Variants in TCF3 observed in about 807,000 individuals in gnomAD.
TCF3 encodes transcription factor E2-alpha.
In TCF3, 54 loss-of-function variants were observed where a neutral mutation model predicts 72.3. The observed-to-expected ratio is 0.75, with a 90% CI of 0.60 to 0.94. The LOEUF (loss-of-function observed/expected upper bound fraction) is 0.94. Among genes scored for constraint, TCF3 ranks in the 40% least tolerant of loss-of-function variants. The pLI is 0.00. For missense variants in TCF3, 1,078 were observed against 934.4 expected, an observed-to-expected ratio of 1.15 and a Z score of -2.00; for synonymous variants, 525 against 412.6, an observed-to-expected ratio of 1.27 and a Z score of -3.30.
At chr19:1,642,764 G>A (rs1331893859) in intron 3 of TCF3, among the ~76,000 whole-genome samples, 1 of 152,130 alleles carries the variant, frequency 6.6e-6, no homozygotes, top group African/African-American at 2.4e-5. Flanking sequence ...GAGCCACCGC[G>A]CCCGGTCACA....
chr19:1,612,488 G>C, intron 18 of TCF3: 1 of 1,331,354 alleles, frequency 7.5e-7, no homozygotes, highest in Non-Finnish European at 1.1e-6. Context: ...GGGTGGGAGG[G>C]CAGGGCTGGG....
intron 3 of TCF3, among the ~76,000 whole-genome samples, chr19:1,643,572 G>A (rs2065645694): frequency 1.3e-5 from 2 of 152,108 alleles, no homozygotes; most frequent in East Asian, 3.8e-4. Context: ...CTGGAGCGCA[G>A]TGGCTCAAAC....
intron 3 of TCF3, among the ~76,000 whole-genome samples, chr19:1,641,258 A>G (rs182871239): frequency 3.7e-4 from 57 of 152,252 alleles, no homozygotes; most frequent in Non-Finnish European, 6.5e-4. Flanking sequence ...ATGCTAACGT[A>G]ACAGAATAAA....
At chr19:1,627,873 T>G (rs1599727144) in intron 5 of TCF3, among the ~76,000 whole-genome samples, 1 of 5,132 alleles carries the variant, frequency 1.9e-4, no homozygotes, top group Non-Finnish European at 3.5e-4. Flanking sequence ...ACAGCAGAGC[T>G]CACAGGGGGT....
chr19:1,615,030 G>A lies in TCF3; in HGVS notation c.1822+255C>T, dbSNP rs148779194. On this transcript the variant is annotated intron_variant, in intron 18 of 18. Coordinates refer to ENST00000262965, the MANE Select transcript of TCF3 (RefSeq NM_003200.5). This position sits in a 1 kb window ranked among gnomAD's most constrained non-coding sequence, Gnocchi z 7.3. The stretch of plus-strand genomic sequence containing the variant: ...TGAGCCACAGAGCCCAGGCCTGAAG[G>A]ACTAGGGGTCCAGAAAGAGTCCAGT... Among the ~76,000 whole-genome samples, 16 of 152,288 alleles carry A rather than the reference G, an allele frequency of 1.1e-4. No individual in the cohort carries two copies. The highest frequency in any genetic ancestry group is 1.8e-4 in the Non-Finnish European group (12 of 68,002).
chr19:1,625,940 A>G (rs1332661301), intron 6 of TCF3, among the ~76,000 whole-genome samples: 1 of 152,230 alleles, frequency 6.6e-6, no homozygotes, highest in East Asian at 1.9e-4. Flanking sequence ...AGAAACAGAT[A>G]CCAGTGTGGC....
chr19:1,612,530 GTGC>G (rs1762175215), intron 18 of TCF3: 1 of 1,237,748 alleles, frequency 8.1e-7, no homozygotes, highest in Admixed American at 1.9e-5. Context: ...ACTTGTGTTT[GTGC>G]TGGTGTGGGC....
intron 3 of TCF3, among the ~76,000 whole-genome samples, chr19:1,641,518 T>C (rs1231225591): frequency 6.6e-6 from 1 of 152,096 alleles, no homozygotes; most frequent in East Asian, 1.9e-4. Context: ...AGTGGCGCAA[T>C]CTCAGCTAAC....
chr19:1,646,253 T>C lies in TCF3; in HGVS notation c.145+102A>G, dbSNP rs1423759067. ...GGCCTGTGTGGCCCTTTCCCCATTG[T>C]CTCCCTCCTTTGCTGCCCCAGCCTC... On this transcript the variant is annotated intron_variant, in intron 3 of 18. Transcript: ENST00000262965. 1.8e-5 allele frequency: 23 copies of C among 1,271,126 alleles called. 1 individual carries two copies. In the East Asian group the frequency reaches 5.8e-4, roughly 32 times the overall value. The allele number at this position is 1,271,126 out of a possible 1,614,324, so 78.7% of individuals were successfully genotyped here.
At chr19:1,617,411 A>G (rs2061662736) in intron 16 of TCF3, among the ~76,000 whole-genome samples, 2 of 152,262 alleles carry the variant, frequency 1.3e-5, no homozygotes, top group Non-Finnish European at 2.9e-5. Flanking sequence ...GTGTTCATGA[A>G]GCTCAAGAAC....
intron 5 of TCF3, among the ~76,000 whole-genome samples, chr19:1,629,857 T>C (rs1477482610): frequency 1.3e-5 from 2 of 152,312 alleles, no homozygotes; most frequent in Middle Eastern, 6.8e-3. Flanking sequence ...CTGCTGTTTT[T>C]TGCCTCCCGT....
rs758628155 is a variant in TCF3, at chr19:1,619,226, G to A, written c.1335C>T (p.Gly445=). The A allele has an allele frequency of 1.9e-6, 3 of 1,595,168 alleles. No homozygotes were observed. Among genetic ancestry groups the A allele is most frequent in the East Asian group, 2.2e-5 (1 of 44,848 alleles). Reference sequence around the variant, plus strand: ...CTGCGAGGCCGTCCTCGGGGTGGCTGCCTCCAACCTGCAGGCGTGGGGAGA... The same window carrying A: ...CTGCGAGGCCGTCCTCGGGGTGGCTACCTCCAACCTGCAGGCGTGGGGAGA... ...LGGRHAGLVG[G]SHPEDGLAGS... Residue 445 remains glycine (G), a synonymous_variant, in exon 16 of 19, where the codon GGC becomes GGT. Transcript: ENST00000262965.
At chr19:1,642,138 ACAC>A (rs1455310034) in intron 3 of TCF3, among the ~76,000 whole-genome samples, 5 of 142,206 alleles carry the variant, frequency 3.5e-5, no homozygotes, top group African/African-American at 1.3e-4. Context: ...CTACACACAC[ACAC>A]ACACACACAC....
rs796623794 is a variant in TCF3, at chr19:1,633,292, C to A, written c.146-887G>T. Among the ~76,000 whole-genome samples, 6 of 152,262 alleles carry A rather than the reference C, an allele frequency of 3.9e-5. 1 individual carries two copies. The highest frequency in any genetic ancestry group is 1.4e-4 in the African/African-American group (6 of 41,538). Reference sequence around the variant, plus strand: ...CGGAGTTGCTGCCCTGCCTTGGTTTCCCTCTCTATAAATGATTTACAAACA... The same window carrying A: ...CGGAGTTGCTGCCCTGCCTTGGTTTACCTCTCTATAAATGATTTACAAACA... On this transcript the variant is annotated intron_variant, in intron 3 of 18. Coordinates refer to ENST00000262965, the MANE Select transcript of TCF3 (RefSeq NM_003200.5).
intron 5 of TCF3, among the ~76,000 whole-genome samples, chr19:1,630,359 G>C (rs1029980762): frequency 2.6e-5 from 4 of 152,308 alleles, no homozygotes; most frequent in South Asian, 2.1e-4. Flanking sequence ...CACGCTATTC[G>C]CTTCCTACTC....
At chr19:1,637,289 G>A (rs764656926) in intron 3 of TCF3, among the ~76,000 whole-genome samples, 17 of 148,600 alleles carry the variant, frequency 1.1e-4, no homozygotes, top group South Asian at 2.1e-4. Flanking sequence ...CACCAGAACC[G>A]GGGATGCCTG....
intron 8 of TCF3, 67 bp downstream of exon 8, chr19:1,623,884 G>C: frequency 6.5e-7 from 1 of 1,538,296 alleles, no homozygotes; most frequent in Non-Finnish European, 8.9e-7. Context: ...CCCAAGCTTC[G>C]CCAGGACACA....
chr19:1,625,156 C>A lies in TCF3; in HGVS notation c.499+420G>T, dbSNP rs184051849. ...GCCGCCATGCCTGGCGACTGTGCTG[C>A]CTGGAATGGGCCCCGGGTAGTTCAA... On this transcript the variant is annotated intron_variant, in intron 7 of 18. Transcript: ENST00000262965. Among the ~76,000 whole-genome samples the A allele has an allele frequency of 2.4e-3, 366 of 152,358 alleles. 1 individual carries two copies. The highest frequency in any genetic ancestry group is 4.5e-3 in the Non-Finnish European group (303 of 68,032).
intron 1 of TCF3, among the ~76,000 whole-genome samples, chr19:1,652,075 C>T (rs1224384328): frequency 6.7e-6 from 1 of 149,950 alleles, no homozygotes; most frequent in Non-Finnish European, 1.5e-5. Context: ...CCGACGGGGG[C>T]GACGCGGGCC....
Sources: allele counts gnomAD v4.1 joint callset (sites outside exome capture counted in the v4.1 genomes callset), GRCh38; gene constraint gnomAD v4.1.1; non-coding constraint Gnocchi (gnomAD v3.1); transcripts MANE v1.5; gene names NCBI Gene and HGNC (gene_info 2026-07-23, HGNC 2026-07-21).